Variants in POLQ observed in about 807,000 individuals in gnomAD.
The protein encoded by POLQ is DNA polymerase theta.
A neutral mutation model predicts 259.2 loss-of-function variants in POLQ; 233 were observed. That is an observed-to-expected ratio of 0.90 (90% confidence interval 0.81 to 1.00). The LOEUF is 1.00. Ranked by LOEUF, POLQ falls within the 50% of genes least tolerant of loss-of-function variation. The pLI, the probability that POLQ is intolerant of heterozygous loss-of-function variation, is 0.00. For synonymous variants in POLQ, 1,025 were observed against 1,048.8 expected (o/e 0.98, Z 0.44); for missense variants, 2,871 against 3,051.6 (o/e 0.94, Z 1.39).
At chr3:121,505,482 C>T (rs1395428437) in intron 12 of POLQ, among the ~76,000 whole-genome samples, 2 of 151,812 alleles carry the variant, frequency 1.3e-5, no homozygotes, top group Non-Finnish European at 2.9e-5. Flanking sequence ...AAAAATCAGT[C>T]AAACTGGTCT....
intron 28 of POLQ, among the ~76,000 whole-genome samples, chr3:121,434,685 G>GT (rs1462200124): frequency 2.0e-5 from 3 of 152,086 alleles, no homozygotes; most frequent in Admixed American, 1.3e-4. Context: ...ATTTTTGTAC[G>GT]TAAGTGAACA....
chr3:121,539,711 G>T, intron 3 of POLQ, 122 bp from the exon 4 acceptor site: 1 of 725,014 alleles, frequency 1.4e-6, no homozygotes, highest in Non-Finnish European at 2.4e-6. Flanking sequence ...ACTGTCATCA[G>T]TTGTTTCTGG....
At chr3:121,542,861 T>A (rs1169612677) in intron 2 of POLQ, among the ~76,000 whole-genome samples, 1 of 151,906 alleles carries the variant, frequency 6.6e-6, no homozygotes, top group African/African-American at 2.4e-5. Flanking sequence ...CGGGCGCCTG[T>A]ATGTAATTCC....
At chr3:121,511,599 G>A (rs1053996226) in intron 10 of POLQ, among the ~76,000 whole-genome samples, 4 of 151,940 alleles carry the variant, frequency 2.6e-5, no homozygotes, top group Non-Finnish European at 4.4e-5. Context: ...CCAAAATGGT[G>A]AAATCCCATC....
In POLQ at chr3:121,509,176, A is replaced by T. The variant is rs557507320; in HGVS notation, c.1959+385T>A. On this transcript the variant is annotated intron_variant, in intron 12 of 29. Coordinates refer to ENST00000264233, the MANE Select transcript of POLQ (RefSeq NM_199420.4). ...GCTAGAAAACCCAGAATCAAAGTTGACAACAGCATTGGACATGACTTAATG... is the reference window on the plus strand; with the variant it reads ...GCTAGAAAACCCAGAATCAAAGTTGTCAACAGCATTGGACATGACTTAATG... Among the ~76,000 whole-genome samples, 3 of 152,320 alleles carry T rather than the reference A, an allele frequency of 2.0e-5. No homozygotes were observed. In the East Asian group the frequency reaches 5.8e-4, roughly 29 times the overall value.
chr3:121,438,787 TAA>T (rs1361814994), intron 27 of POLQ, among the ~76,000 whole-genome samples: 6 of 152,218 alleles, frequency 3.9e-5, no homozygotes, highest in African/African-American at 1.4e-4. Context: ...GTCCATCAAC[TAA>T]AGTTACTAGT....
At chr3:121,513,246 G>C (rs2108809226) in intron 9 of POLQ, among the ~76,000 whole-genome samples, 1 of 152,146 alleles carries the variant, frequency 6.6e-6, no homozygotes, top group East Asian at 1.9e-4. Context: ...AAAGTGAAGG[G>C]ATTATAAACT....
At chr3:121,504,755 C>T (rs190239273) in intron 12 of POLQ, among the ~76,000 whole-genome samples, 36 of 152,284 alleles carry the variant, frequency 2.4e-4, no homozygotes, top group Admixed American at 5.2e-4. Flanking sequence ...ATGCCTGTAA[C>T]CCCATTGCAT....
rs756694884 is a variant in POLQ, at chr3:121,488,949, A to G, written c.3982T>C (p.Ser1328Pro). The change falls in exon 16 of 30, where the codon TCA becomes CCA. Residue 1328 changes from serine (S) to proline (P), a missense_variant. Physicochemically the swap from Ser to Pro is moderately conservative, Grantham distance 74. Around this residue, in one of 3 missense-constraint regions of POLQ, gnomAD observed 2,080 missense variants for 2,126.0 expected, o/e 0.98. Coordinates refer to ENST00000264233, the MANE Select transcript of POLQ (RefSeq NM_199420.4). Reference sequence around the variant, plus strand: ...GCCATCTGTTGTATTATTTTCTCTGACTGAGTATCCAGATAGAAACTATCT... The same window carrying G: ...GCCATCTGTTGTATTATTTTCTCTGGCTGAGTATCCAGATAGAAACTATCT... ...FEDSFYLDTQ[S>P]EKIIQQMATE... 1 of 1,613,986 alleles carries G rather than the reference A, an allele frequency of 6.2e-7. No individual in the cohort carries two copies. Among genetic ancestry groups the G allele is most frequent in the African/African-American group, 1.3e-5 (1 of 75,046 alleles).
chr3:121,544,767 C>T lies in POLQ; in HGVS notation c.303G>A (p.Leu101=), dbSNP rs1186944613. 6.2e-7 allele frequency: 1 copy of T among 1,613,332 alleles called. No individual in the cohort carries two copies. ...TCTTTCCTTCCAGGACTTGTCCAAG[C>T]AAAAGGCACTCTGCCTGCCATTCAA... ...KMFEWQAECL[L]LGQVLEGKNL... The change falls in exon 2 of 30, where the codon TTG becomes TTA. Residue 101 remains leucine, a synonymous_variant. Coordinates refer to ENST00000264233, the MANE Select transcript of POLQ (RefSeq NM_199420.4).
intron 24 of POLQ, among the ~76,000 whole-genome samples, chr3:121,465,389 G>A (rs144678992): frequency 1.3e-5 from 2 of 152,294 alleles, no homozygotes; most frequent in East Asian, 1.9e-4. Context: ...ACCATGCCTT[G>A]TGAGAAATAC....
At chr3:121,542,489 C>T (rs889567904) in intron 2 of POLQ, among the ~76,000 whole-genome samples, 1 of 152,116 alleles carries the variant, frequency 6.6e-6, no homozygotes, top group African/African-American at 2.4e-5. Context: ...TCAGATGACA[C>T]AGAAGGTAAT....
chr3:121,541,667 C>T (rs1342379733), intron 2 of POLQ, among the ~76,000 whole-genome samples, 188 bp from the exon 3 acceptor site: 1 of 152,164 alleles, frequency 6.6e-6, no homozygotes, highest in Non-Finnish European at 1.5e-5. Flanking sequence ...TTAATAGTCT[C>T]AACTAAAAAC....
Position 121,487,719 on chromosome 3 carries a change from T to C in POLQ, c.5212A>G (p.Thr1738Ala), listed in dbSNP as rs149926488. ...IVDDNGLIPPTPIPTSASKLT... is the reference protein window; with the variant it reads ...IVDDNGLIPPAPIPTSASKLT... The stretch of plus-strand genomic sequence containing the variant: ...TTAGAAGCAGATGTTGGAATGGGTG[T>C]AGGAGGAATGAGACCATTATCATCA... Residue 1738 changes from threonine (T) to alanine (A), a missense_variant, in exon 16 of 30, where the codon ACA (threonine) becomes GCA (alanine). Around this residue, in one of 3 missense-constraint regions of POLQ, gnomAD observed 2,080 missense variants for 2,126.0 expected, o/e 0.98. Coordinates refer to ENST00000264233, the MANE Select transcript of POLQ (RefSeq NM_199420.4). 2.2e-5 allele frequency: 35 copies of C among 1,613,738 alleles called. No individual in the cohort carries two copies. The highest frequency in any genetic ancestry group is 6.7e-5 in the African/African-American group (5 of 74,914).
At position 121,509,589 on chromosome 3, in the gene POLQ, A is replaced by G; in HGVS notation, c.1931T>C (p.Leu644Ser). The G allele has an allele frequency of 6.2e-7, 1 of 1,613,288 alleles. No homozygotes were observed. Among genetic ancestry groups the G allele is most frequent in the Non-Finnish European group, 8.5e-7 (1 of 1,179,466 alleles). The change falls in exon 12 of 30, where the codon TTA becomes TCA. Residue 644 changes from leucine to serine, a missense_variant. Physicochemically the swap from Leu to Ser is moderately radical, Grantham distance 145. Around this residue, in one of 3 missense-constraint regions of POLQ, gnomAD observed 783 missense variants for 906.2 expected, o/e 0.86. Coordinates refer to ENST00000264233, the MANE Select transcript of POLQ (RefSeq NM_199420.4). ...ATAGAGAATATGAAGATCATTCTCT[A>G]AAACAAAGCCCTTCATTGCTCTTTG... ...DLQRAMKGFVLENDLHILYLV... is the reference protein window; with the variant it reads ...DLQRAMKGFVSENDLHILYLV...
chr3:121,493,601 G>A lies in POLQ; in HGVS notation c.2399C>T (p.Ser800Phe). ...QRELCDLVRV[S>F]LLNAQRARVL... ...CCTGGCTCTCTGAGCATTTAGTAAGGATACCCGAACCAGGTCACACAGCTC... is the reference window on the plus strand; with the variant it reads ...CCTGGCTCTCTGAGCATTTAGTAAGAATACCCGAACCAGGTCACACAGCTC... Residue 800 changes from serine to phenylalanine, a missense_variant, in exon 15 of 30, where the codon TCC becomes TTC. By Grantham distance (155) the Ser-to-Phe change is radical (BLOSUM62 -2). This residue lies in a region of POLQ where 2,080 missense variants were observed against 2,126.0 expected (regional missense o/e 0.98). Coordinates refer to ENST00000264233, the MANE Select transcript of POLQ (RefSeq NM_199420.4). The A allele has an allele frequency of 1.2e-6, 2 of 1,614,092 alleles. No homozygotes were observed. Among genetic ancestry groups the A allele is most frequent in the Non-Finnish European group, 1.7e-6 (2 of 1,180,024 alleles).
At position 121,522,020 on chromosome 3, in the gene POLQ, A is replaced by G; in HGVS notation, c.1238T>C (p.Val413Ala). Residue 413 changes from valine to alanine, a missense_variant, in exon 8 of 30, where the codon GTA becomes GCA. Around this residue, in one of 3 missense-constraint regions of POLQ, gnomAD observed 783 missense variants for 906.2 expected, o/e 0.86. Transcript: ENST00000264233. The stretch of plus-strand genomic sequence containing the variant: ...TGAAATACCTGCATGATGAAATGCT[A>G]CTCCCCATGGTACAGTTTTCTGTAA... ...SVLQKTVPWG[V>A]AFHHAGLTFE... 2 of 1,571,888 alleles carry G rather than the reference A, an allele frequency of 1.3e-6. No individual in the cohort carries two copies. The highest frequency in any genetic ancestry group is 1.7e-6 in the Non-Finnish European group (2 of 1,164,082).
At chr3:121,545,402 C>A (rs1279385169) in intron 1 of POLQ, among the ~76,000 whole-genome samples, 2 of 152,188 alleles carry the variant, frequency 1.3e-5, no homozygotes, top group African/African-American at 2.4e-5. Context: ...TCTTAAGGGT[C>A]TGTAAGGAGT....
At chr3:121,541,997 G>A (rs949348528) in intron 2 of POLQ, among the ~76,000 whole-genome samples, 4 of 151,898 alleles carry the variant, frequency 2.6e-5, no homozygotes, top group East Asian at 1.9e-4. Flanking sequence ...ATAGCTGGGC[G>A]TGGTGGCGGG....
Sources: gnomAD v4.1 joint callset for allele counts (sites outside exome capture counted in the v4.1 genomes callset) on GRCh38, gnomAD v4.1.1 for gene constraint, gnomAD v4.1.1 regional missense constraint, MANE v1.5 for transcripts, NCBI Gene and HGNC (gene_info 2026-07-23, HGNC 2026-07-21) for gene names.